RGS7BP: variants seen among roughly 807,000 people sequenced by gnomAD.
The protein encoded by RGS7BP is regulator of G protein signaling 7-binding protein.
In RGS7BP, 9 loss-of-function variants were observed where a neutral mutation model predicts 31.3. The ratio of observed to expected loss-of-function variants is 0.29; its 90% confidence interval spans 0.17 to 0.50. The LOEUF (loss-of-function observed/expected upper bound fraction) is 0.50. Among genes scored for constraint, RGS7BP ranks in the 20% least tolerant of loss-of-function variants. The probability of loss-of-function intolerance (pLI) is 0.98; values close to 1 mark genes in which losing one functional copy is unlikely to be tolerated. For missense variants in RGS7BP, 274 were observed against 322.0 expected (o/e 0.85, Z 1.14); for synonymous variants, 115 against 120.1 (o/e 0.96, Z 0.28).
intron 2 of RGS7BP, among the ~76,000 whole-genome samples, chr5:64,538,743 A>G (rs1240014404): frequency 6.6e-6 from 1 of 151,440 alleles, no homozygotes; most frequent in Non-Finnish European, 1.5e-5. Context: ...GTTAGCAGAG[A>G]TGAGGTTTCG....
intron 2 of RGS7BP, among the ~76,000 whole-genome samples, chr5:64,523,566 T>C (rs993830035): frequency 6.6e-6 from 1 of 152,238 alleles, no homozygotes; most frequent in African/African-American, 2.4e-5. Context: ...ACTTCGAGTT[T>C]ATATTAGTAA....
chr5:64,609,507 G>T lies in RGS7BP; in HGVS notation c.*255G>T. Reference sequence around the variant, plus strand: ...TTTAAAGCTGACATTGTGCATGTCTGCTCCAAACCACGCCATGACAGATGC... The same window carrying T: ...TTTAAAGCTGACATTGTGCATGTCTTCTCCAAACCACGCCATGACAGATGC... On this transcript the variant is annotated 3_prime_UTR_variant, in exon 6 of 6. Transcript: ENST00000334025. 3 of 464,012 alleles carry T rather than the reference G, an allele frequency of 6.5e-6. No homozygotes were observed. Among genetic ancestry groups the T allele is most frequent in the South Asian group, 2.9e-5 (1 of 33,918 alleles). The allele number at this position is 464,012 out of a possible 1,614,324, so 28.7% of individuals were successfully genotyped here. A position where few individuals can be genotyped will look rare whatever the true frequency, so the allele number is the denominator to read the frequency against.
rs146870934 is a variant in RGS7BP, at chr5:64,519,933, A to C, written c.332+12056A>C. Among the ~76,000 whole-genome samples, 44 of 152,244 alleles carry C rather than the reference A, an allele frequency of 2.9e-4. 1 individual carries two copies. Among genetic ancestry groups the C allele is most frequent in the Non-Finnish European group, 1.5e-5 (1 of 68,014 alleles). On this transcript the variant is annotated intron_variant, in intron 2 of 5. Transcript: ENST00000334025. Reference sequence around the variant, plus strand: ...CTGAGATTATTTCACCAACTCAAGAATGTCAGGACTGATATCTTCATGATT... The same window carrying C: ...CTGAGATTATTTCACCAACTCAAGACTGTCAGGACTGATATCTTCATGATT...
intron 3 of RGS7BP, among the ~76,000 whole-genome samples, chr5:64,585,472 C>T (rs945343340): frequency 2.0e-5 from 3 of 151,654 alleles, no homozygotes; most frequent in South Asian, 2.1e-4. Flanking sequence ...GGGGAAAACA[C>T]GAGTGGAGGA....
In RGS7BP at chr5:64,506,703, C is replaced by A. The variant is rs778852183; in HGVS notation, c.79C>A (p.Pro27Thr). Residue 27 changes from proline (P) to threonine (T), a missense_variant, in exon 1 of 6, where the codon CCG becomes ACG. Physicochemically the swap from Pro to Thr is conservative, Grantham distance 38. Coordinates refer to ENST00000334025, the MANE Select transcript of RGS7BP (RefSeq NM_001029875.3). The surrounding 1 kb of genome is among the most constrained non-coding windows in gnomAD (Gnocchi z 4.6). Reference protein sequence around the residue: ...RSSIFQISKPPLQSGDWERRG... With the variant: ...RSSIFQISKPTLQSGDWERRG... ...CTCGATCTTCCAGATCAGCAAGCCC[C>A]CGCTGCAGAGCGGAGATTGGGAGCG... 1 of 1,613,500 alleles carries A rather than the reference C, an allele frequency of 6.2e-7. No homozygotes were observed. The highest frequency in any genetic ancestry group is 1.1e-5 in the South Asian group (1 of 91,066).
chr5:64,537,676 C>T (rs1580408669), intron 2 of RGS7BP, among the ~76,000 whole-genome samples: 1 of 152,192 alleles, frequency 6.6e-6, no homozygotes, highest in African/African-American at 2.4e-5. Context: ...CAGAAAGCTA[C>T]ATCATGGACC....
At chr5:64,577,749 A>T (rs1561341329) in intron 3 of RGS7BP, among the ~76,000 whole-genome samples, 1 of 152,174 alleles carries the variant, frequency 6.6e-6, no homozygotes, top group South Asian at 2.1e-4. Context: ...ACACATACAC[A>T]CACACAAACA....
intron 2 of RGS7BP, among the ~76,000 whole-genome samples, chr5:64,532,378 G>A (rs780438525): frequency 2.0e-5 from 3 of 151,488 alleles, no homozygotes; most frequent in East Asian, 1.9e-4. Context: ...GAAGAGCCCC[G>A]TAGAACAATG....
At chr5:64,607,461 C>T (rs973389810) in intron 5 of RGS7BP, among the ~76,000 whole-genome samples, 9 of 151,942 alleles carry the variant, frequency 5.9e-5, no homozygotes, top group African/African-American at 2.2e-4. Flanking sequence ...TCTGGAAAAG[C>T]GGGACAACTG....
intron 2 of RGS7BP, among the ~76,000 whole-genome samples, chr5:64,520,948 C>A (rs1749093478): frequency 6.6e-6 from 1 of 152,206 alleles, no homozygotes; most frequent in Non-Finnish European, 1.5e-5. Context: ...ATTATCAGAC[C>A]AATCTCAAAA....
At chr5:64,561,577 T>G (rs1430271542) in intron 2 of RGS7BP, among the ~76,000 whole-genome samples, 2 of 152,152 alleles carry the variant, frequency 1.3e-5, no homozygotes, top group African/African-American at 4.8e-5. Flanking sequence ...TTGTGAGAAT[T>G]AAATGGGATG....
At chr5:64,555,061 C>A (rs191634421) in intron 2 of RGS7BP, among the ~76,000 whole-genome samples, 1 of 151,914 alleles carries the variant, frequency 6.6e-6, no homozygotes, top group Non-Finnish European at 1.5e-5. Flanking sequence ...TGAGAAGATC[C>A]AACATATTTC....
chr5:64,566,174 T>G (rs903306662), intron 2 of RGS7BP, among the ~76,000 whole-genome samples: 7 of 151,554 alleles, frequency 4.6e-5, no homozygotes, highest in African/African-American at 1.5e-4. Flanking sequence ...ATTATTATTA[T>G]TAGTATGATA....
chr5:64,512,376 G>A (rs1172629392), intron 2 of RGS7BP, among the ~76,000 whole-genome samples: 10 of 152,216 alleles, frequency 6.6e-5, no homozygotes, highest in African/African-American at 2.4e-4. Flanking sequence ...GATTCACAGA[G>A]TGGTTAGTGG....
chr5:64,589,600 G>T (rs1244345259), intron 3 of RGS7BP, among the ~76,000 whole-genome samples: 1 of 152,000 alleles, frequency 6.6e-6, no homozygotes, highest in African/African-American at 2.4e-5. Flanking sequence ...CATTGAAAAT[G>T]AAAAAGGCAA....
chr5:64,557,912 G>A (rs1015713744), intron 2 of RGS7BP, among the ~76,000 whole-genome samples: 2 of 152,126 alleles, frequency 1.3e-5, no homozygotes, highest in Non-Finnish European at 2.9e-5. Context: ...AATGAAGGAA[G>A]GCCAAAATGA....
chr5:64,605,377 T>C (rs1743325952), intron 5 of RGS7BP, among the ~76,000 whole-genome samples: 1 of 152,160 alleles, frequency 6.6e-6, no homozygotes, highest in South Asian at 2.1e-4. Context: ...TTCTGTTTAT[T>C]CAGTGGTTCT....
chr5:64,541,101 G>A (rs959607136), intron 2 of RGS7BP, among the ~76,000 whole-genome samples: 1 of 152,148 alleles, frequency 6.6e-6, no homozygotes, highest in Non-Finnish European at 1.5e-5. Context: ...AGCCATATAC[G>A]AAGCATAGTG....
intron 2 of RGS7BP, among the ~76,000 whole-genome samples, chr5:64,562,955 T>C (rs1742088465): frequency 6.6e-6 from 1 of 152,130 alleles, no homozygotes; most frequent in African/African-American, 2.4e-5. Context: ...TAAGGATCTG[T>C]ATCTGATAGA....
Sources: allele counts gnomAD v4.1 joint callset (sites outside exome capture counted in the v4.1 genomes callset), GRCh38; gene constraint gnomAD v4.1.1; non-coding constraint Gnocchi (gnomAD v3.1); transcripts MANE v1.5; gene names NCBI Gene and HGNC (gene_info 2026-07-23, HGNC 2026-07-21).